ZFYVE1: variants seen among roughly 807,000 people sequenced by gnomAD.
ZFYVE1 encodes zinc finger FYVE-type containing 1.
A neutral mutation model predicts 74.4 loss-of-function variants in ZFYVE1; 30 were observed. The ratio of observed to expected loss-of-function variants is 0.40; its 90% CI spans 0.30 to 0.55. The LOEUF is 0.55. Among genes scored for constraint, ZFYVE1 ranks in the 20% least tolerant of loss-of-function variants. The probability of loss-of-function intolerance (pLI) is 0.42; values close to 1 mark genes in which losing one functional copy is unlikely to be tolerated. For missense variants in ZFYVE1, 703 were observed against 1,011.6 expected (o/e 0.69, Z 4.14); for synonymous variants, 335 against 385.1 (o/e 0.87, Z 1.52).
intron 2 of ZFYVE1, among the ~76,000 whole-genome samples, chr14:73,002,445 TG>T (rs1431344179): frequency 7.6e-6 from 1 of 131,724 alleles, no homozygotes; most frequent in Non-Finnish European, 1.6e-5. Context: ...TTTTTGGTTT[TG>T]GTTTTGTTTT....
intron 5 of ZFYVE1, among the ~76,000 whole-genome samples, chr14:72,979,674 C>A (rs1246001104): frequency 6.6e-6 from 1 of 151,236 alleles, no homozygotes; most frequent in Non-Finnish European, 1.5e-5. Context: ...AAAAAATACA[C>A]CCAGAAATCC....
At position 72,997,737 on chromosome 14, in the gene ZFYVE1, T is replaced by G. The variant is rs540669386; in HGVS notation, c.988+74A>C. On this transcript the variant is annotated intron_variant, in intron 3 of 11. Transcript: ENST00000556143. ...TCTGGGCAATCCACTACCAACAAGT[T>G]GCTATTGCAGACCAAATAGCTGCCT... 3.0e-5 allele frequency: 45 copies of G among 1,497,412 alleles called. No homozygotes were observed. The East Asian group carries it at 9.8e-4, about 33-fold the overall frequency. The allele number at this position is 1,497,412 out of a possible 1,614,324, so 92.8% of individuals were successfully genotyped here.
Position 72,975,783 on chromosome 14 carries a change from G to A in ZFYVE1, c.1636-62C>T. On this transcript the variant is annotated intron_variant, in intron 8 of 11. Transcript: ENST00000556143. The surrounding 1 kb of genome is among the most constrained non-coding windows in gnomAD (Gnocchi z 4.1). ...AAGGGAGTGAAAGGAAGGAGGAAGAGGGATGTTTGGTGAGTTGCACACTCA... is the reference window on the plus strand; with the variant it reads ...AAGGGAGTGAAAGGAAGGAGGAAGAAGGATGTTTGGTGAGTTGCACACTCA... 1 of 1,581,048 alleles carries A rather than the reference G, an allele frequency of 6.3e-7. No individual in the cohort carries two copies. Among genetic ancestry groups the A allele is most frequent in the East Asian group, 2.2e-5 (1 of 44,646 alleles).
At chr14:73,021,894 A>G (rs1290937226) in intron 2 of ZFYVE1, among the ~76,000 whole-genome samples, 1 of 152,214 alleles carries the variant, frequency 6.6e-6, no homozygotes, top group Non-Finnish European at 1.5e-5. Context: ...TATCAATGCT[A>G]CAAAAAGAAA....
intron 4 of ZFYVE1, among the ~76,000 whole-genome samples, chr14:72,989,417 T>C (rs979998688): frequency 2.0e-5 from 3 of 152,102 alleles, no homozygotes; most frequent in Admixed American, 1.3e-4. Flanking sequence ...TAGACACTTA[T>C]GTGAGAAAGT....
chr14:72,994,673 A>G (rs910015410), intron 3 of ZFYVE1, among the ~76,000 whole-genome samples: 2 of 152,136 alleles, frequency 1.3e-5, no homozygotes, highest in African/African-American at 4.8e-5. Context: ...GCTCTCACCT[A>G]CTTCCCGAAA....
In ZFYVE1 at chr14:72,978,864, G is replaced by A. The variant is rs752237000; in HGVS notation, c.1416C>T (p.Cys472=). Residue 472 remains cysteine (C), a synonymous_variant, in exon 6 of 12, where the codon TGC becomes TGT. Transcript: ENST00000556143. ...SHQYDNRVYT[C]KACYERGEEV... ...GGGAGGAGCTCGGAGGACTCACCTT[G>A]CAGGTATACACTCGGTTGTCATACT... 6.2e-7 allele frequency: 1 copy of A among 1,613,766 alleles called. No individual in the cohort carries two copies. The highest frequency in any genetic ancestry group is 1.7e-5 in the Admixed American group (1 of 60,018).
chr14:73,027,061 G>C lies in ZFYVE1; in HGVS notation c.-570C>G, dbSNP rs1894480226. ...CCACCCTCCTCCTTCGTTGCCTCCC[G>C]GGCTTCCTCCTCTCCTGTTGTCAGT... On this transcript the variant is annotated 5_prime_UTR_variant, in exon 1 of 12. Coordinates refer to ENST00000556143, the MANE Select transcript of ZFYVE1 (RefSeq NM_021260.4). 5.0e-6 allele frequency: 2 copies of C among 399,396 alleles called. No homozygotes were observed. The highest frequency in any genetic ancestry group is 8.8e-6 in the Non-Finnish European group (2 of 226,696). 24.7% of individuals were successfully genotyped at this position (399,396 alleles called of 1,614,324 possible). A position where few individuals can be genotyped will look rare whatever the true frequency, so the allele number is the denominator to read the frequency against.
At chr14:72,993,094 C>T in intron 4 of ZFYVE1, 49 bp downstream of exon 4, 1 of 1,513,098 alleles carries the variant, frequency 6.6e-7, no homozygotes, top group Non-Finnish European at 8.9e-7. Flanking sequence ...GTGTTCTCAC[C>T]ACCCACTGGC....
At chr14:73,023,638 G>A (rs4545732) in intron 2 of ZFYVE1, among the ~76,000 whole-genome samples, 20,012 of 151,394 alleles carry the variant, frequency 0.13, 1,712 homozygotes, top group South Asian at 0.24. Context: ...CTCACAGCTT[G>A]CCAGGGTGCT....
At chr14:72,992,146 T>TGTG (rs1304172336) in intron 4 of ZFYVE1, among the ~76,000 whole-genome samples, 1 of 152,046 alleles carries the variant, frequency 6.6e-6, no homozygotes, top group Non-Finnish European at 1.5e-5. Context: ...TGACCTCAAG[T>TGTG]GATCCACCCG....
At chr14:73,004,494 A>G (rs1385142827) in intron 2 of ZFYVE1, among the ~76,000 whole-genome samples, 2 of 152,120 alleles carry the variant, frequency 1.3e-5, no homozygotes, top group East Asian at 1.9e-4. Context: ...TGGGATGGAA[A>G]GAAAACACTC....
At position 72,997,988 on chromosome 14, in the gene ZFYVE1, G is replaced by T. The variant is rs1893786480; in HGVS notation, c.811C>A (p.Arg271=). 6.2e-7 allele frequency: 1 copy of T among 1,614,070 alleles called. No homozygotes were observed. Among genetic ancestry groups the T allele is most frequent in the South Asian group, 1.1e-5 (1 of 91,070 alleles). ...DLVIYRTHAD[R]LHNDLFKFLG... ...AATTTGAAGAGGTCGTTATGCAGCC[G>T]GTCTGCATGAGTTCGATAGATGACG... Residue 271 remains arginine (R), a synonymous_variant, in exon 3 of 12, where the codon CGG becomes AGG. Coordinates refer to ENST00000556143, the MANE Select transcript of ZFYVE1 (RefSeq NM_021260.4).
In ZFYVE1 at chr14:73,024,162, T is replaced by C. The variant is rs1437947508; in HGVS notation, c.347A>G (p.His116Arg). The change falls in exon 2 of 12, where the codon CAC becomes CGC. Residue 116 changes from histidine (H) to arginine (R), a missense_variant. His to Arg is a conservative substitution (Grantham distance 29). Around this residue, in one of 2 missense-constraint regions of ZFYVE1, gnomAD observed 211 missense variants for 221.7 expected, o/e 0.95. Coordinates refer to ENST00000556143, the MANE Select transcript of ZFYVE1 (RefSeq NM_021260.4). ...ACTGACATTGTACACAGTAACAGGG[T>C]GTCTCCTTTTGTTACCCCCAGAATG... ...RTHSGGNKRR[H>R]PVTVYNVSNL... The C allele has an allele frequency of 1.2e-6, 2 of 1,613,990 alleles. No individual in the cohort carries two copies.
At chr14:73,000,193 A>G (rs1227243623) in intron 2 of ZFYVE1, among the ~76,000 whole-genome samples, 1 of 152,262 alleles carries the variant, frequency 6.6e-6, no homozygotes, top group Non-Finnish European at 1.5e-5. Flanking sequence ...TTGAATAGAC[A>G]TTTCTCCATA....
chr14:72,993,427 G>A (rs189912896), intron 3 of ZFYVE1, 70 bp from the exon 4 acceptor site: 156 of 1,401,574 alleles, frequency 1.1e-4, no homozygotes, highest in Non-Finnish European at 1.4e-4. Flanking sequence ...AGTAGGCCAG[G>A]CACGGTGGCC....
Position 73,026,943 on chromosome 14 carries a change from G to A in ZFYVE1, c.-452C>T, listed in dbSNP as rs1293450635. 1 of 398,530 alleles carries A rather than the reference G, an allele frequency of 2.5e-6. No individual in the cohort carries two copies. The highest frequency in any genetic ancestry group is 4.4e-6 in the Non-Finnish European group (1 of 226,126). The allele number at this position is 398,530 out of a possible 1,614,324, so 24.7% of individuals were successfully genotyped here. A position where few individuals can be genotyped will look rare whatever the true frequency, so the allele number is the denominator to read the frequency against. On this transcript the variant is annotated 5_prime_UTR_variant, in exon 1 of 12. Coordinates refer to ENST00000556143, the MANE Select transcript of ZFYVE1 (RefSeq NM_021260.4). ...GATCCCACCACTGAGAAGCTCGGCC[G>A]CAGCAAGGCGGCGTCGGGGGGCCGC... is the stretch of plus-strand genomic sequence containing the variant.
chr14:72,969,924 C>T lies in ZFYVE1; in HGVS notation c.*958G>A, dbSNP rs1270833052. On this transcript the variant is annotated 3_prime_UTR_variant, in exon 12 of 12. Transcript: ENST00000556143. ...TTTCTCATGATCGCCCCTCCGAGAG[C>T]TAGAGGGGTTGTGTGTCTGGGAACA... 1 of 598,022 alleles carries T rather than the reference C, an allele frequency of 1.7e-6. No homozygotes were observed. The highest frequency in any genetic ancestry group is 3.0e-6 in the Non-Finnish European group (1 of 338,924). The allele number at this position is 598,022 out of a possible 1,614,324, so 37.0% of individuals were successfully genotyped here. A position where few individuals can be genotyped will look rare whatever the true frequency, so the allele number is the denominator to read the frequency against.
chr14:73,003,736 T>TTGGGAAGGTTTCCA (rs1893923017), intron 2 of ZFYVE1, among the ~76,000 whole-genome samples: 2 of 152,120 alleles, frequency 1.3e-5, no homozygotes, highest in Non-Finnish European at 2.9e-5. Context: ...AACCACTCAT[T>TTGGGAAGGTTTCCA]ATTATATTAA....
Sources: gnomAD v4.1 joint callset for allele counts (sites outside exome capture counted in the v4.1 genomes callset) on GRCh38, gnomAD v4.1.1 for gene constraint, gnomAD v4.1.1 regional missense constraint, Gnocchi (gnomAD v3.1) non-coding constraint, MANE v1.5 for transcripts, NCBI Gene and HGNC (gene_info 2026-07-23, HGNC 2026-07-21) for gene names.